Variants in DEFB107A observed in about 807,000 individuals in gnomAD.
DEFB107A encodes the protein beta-defensin 107.
chr8:7,812,832 T>G (rs1817115766), intron 1 of DEFB107A, among the ~76,000 whole-genome samples: 2 of 131,650 alleles, frequency 1.5e-5, no homozygotes, highest in Non-Finnish European at 1.7e-5. Flanking sequence ...AAGGAGAAAT[T>G]TTTGAATAGT....
intron 1 of DEFB107A, among the ~76,000 whole-genome samples, chr8:7,813,108 A>G (rs1364418235): frequency 4.9e-5 from 6 of 121,320 alleles, no homozygotes; most frequent in African/African-American, 1.6e-4. Context: ...AGAGATTGTT[A>G]AACTGTCCCA....
intron 1 of DEFB107A, among the ~76,000 whole-genome samples, chr8:7,813,401 A>AT (rs1817133353): frequency 6.7e-6 from 1 of 148,204 alleles, no homozygotes; most frequent in South Asian, 2.3e-4. Context: ...AAATCACAAC[A>AT]TAACTTGGTG....
At chr8:7,813,064 G>C (rs1490759120) in intron 1 of DEFB107A, among the ~76,000 whole-genome samples, 11 of 148,646 alleles carry the variant, frequency 7.4e-5, no homozygotes, top group Admixed American at 6.8e-4. Context: ...ATAGCATAGA[G>C]TATGTGCCTG....
chr8:7,813,750 T>G (rs1435620429), intron 1 of DEFB107A, among the ~76,000 whole-genome samples: 5 of 152,126 alleles, frequency 3.3e-5, no homozygotes, highest in Admixed American at 2.0e-4. Context: ...GTGATTATGG[T>G]GATGGTGGTG....
intron 1 of DEFB107A, among the ~76,000 whole-genome samples, chr8:7,814,043 G>C (rs1466245268): frequency 1.1e-5 from 1 of 90,374 alleles, no homozygotes; most frequent in Non-Finnish European, 2.2e-5. Flanking sequence ...TTGTTCCCTG[G>C]CTCTGTTCTT....
At position 7,814,278 on chromosome 8, in the gene DEFB107A, A is replaced by G. The variant is rs1169803626; in HGVS notation, c.70+1281T>C. ...TGTTAAATGTATTGAAAGCTTATTTACCACTACAAGCAACCTATTTTCGAA... is the reference window on the plus strand; with the variant it reads ...TGTTAAATGTATTGAAAGCTTATTTGCCACTACAAGCAACCTATTTTCGAA... On this transcript the variant is annotated intron_variant, in intron 1 of 1. Transcript: ENST00000335021. Among the ~76,000 whole-genome samples the G allele has an allele frequency of 5.0e-5, 3 of 60,066 alleles. 1 individual carries two copies. Among genetic ancestry groups the G allele is most frequent in the African/African-American group, 1.4e-4 (3 of 22,160 alleles). 39.4% of individuals were successfully genotyped at this position (60,066 alleles called of 152,430 possible).
intron 1 of DEFB107A, among the ~76,000 whole-genome samples, chr8:7,813,270 T>G (rs56348606): frequency 8.2e-6 from 1 of 122,580 alleles, no homozygotes; most frequent in Non-Finnish European, 1.8e-5. Context: ...AGTGGAATGA[T>G]GTGAGCTGCT....
intron 1 of DEFB107A, among the ~76,000 whole-genome samples, chr8:7,812,952 CATAT>C (rs1491404479): frequency 6.7e-6 from 1 of 149,030 alleles, no homozygotes. Context: ...CACACACACA[CATAT>C]ATATATATAT....
At chr8:7,813,222 A>G (rs1353727000) in intron 1 of DEFB107A, among the ~76,000 whole-genome samples, 6 of 130,262 alleles carry the variant, frequency 4.6e-5, no homozygotes, top group Admixed American at 1.7e-4. Flanking sequence ...TCCTATTTCT[A>G]TATGTCCACA....
chr8:7,813,157 C>A (rs1406014502), intron 1 of DEFB107A, among the ~76,000 whole-genome samples: 2 of 113,380 alleles, frequency 1.8e-5, no homozygotes, highest in Non-Finnish European at 4.1e-5. Flanking sequence ...AGTCATAGAA[C>A]CTCTGGGTTT....
At chr8:7,812,824 G>A (rs1397995947) in intron 1 of DEFB107A, among the ~76,000 whole-genome samples, 2 of 131,166 alleles carry the variant, frequency 1.5e-5, no homozygotes, top group Non-Finnish European at 1.7e-5. Flanking sequence ...CTCAAATTAA[G>A]GAGAAATTTT....
chr8:7,812,934 T>TACACACACAC (rs5889217), intron 1 of DEFB107A, among the ~76,000 whole-genome samples: 35 of 145,340 alleles, frequency 2.4e-4, no homozygotes, highest in East Asian at 4.1e-4. Context: ...CGCACACACA[T>TACACACACAC]ACACACACAC....
chr8:7,813,806 C>T (rs1291274941), intron 1 of DEFB107A, among the ~76,000 whole-genome samples: 1 of 151,574 alleles, frequency 6.6e-6, no homozygotes, highest in Admixed American at 6.6e-5. Flanking sequence ...AATTCAAATA[C>T]ATCTGAGATG....
intron 1 of DEFB107A, among the ~76,000 whole-genome samples, chr8:7,815,247 CAAAAAA>C (rs1160791841): frequency 8.2e-3 from 58 of 7,068 alleles, no homozygotes; most frequent in East Asian, 0.04. Context: ...GACTCCGTCT[CAAAAAA>C]AAAAAAAAAA....
intron 1 of DEFB107A, among the ~76,000 whole-genome samples, chr8:7,813,244 G>A: frequency 7.5e-6 from 1 of 133,916 alleles, no homozygotes; most frequent in Non-Finnish European, 1.7e-5. Context: ...GAACAAATTT[G>A]GAAAAATGAA....
intron 1 of DEFB107A, among the ~76,000 whole-genome samples, chr8:7,815,247 C>CA (rs1160791841): frequency 0.076 from 533 of 7,042 alleles, 17 homozygotes; most frequent in African/African-American, 0.11. Context: ...GACTCCGTCT[C>CA]AAAAAAAAAA....
intron 1 of DEFB107A, among the ~76,000 whole-genome samples, chr8:7,812,924 C>T (rs567691574): frequency 7.4e-4 from 96 of 129,920 alleles, no homozygotes; most frequent in East Asian, 1.7e-3. Context: ...GACACACACA[C>T]GCACACACAT....
chr8:7,813,650 G>T (rs1218694786), intron 1 of DEFB107A, among the ~76,000 whole-genome samples: 4 of 137,732 alleles, frequency 2.9e-5, no homozygotes, highest in Non-Finnish European at 6.4e-5. Context: ...TTAGCACTGA[G>T]ATCCAAACTC....
chr8:7,815,013 C>T, intron 1 of DEFB107A, among the ~76,000 whole-genome samples: 1 of 20,068 alleles, frequency 5.0e-5, no homozygotes, highest in African/African-American at 1.4e-4. Flanking sequence ...TCTGGGAGGC[C>T]GAGGAGGGCG....
Sources: allele counts gnomAD v4.1 joint callset (sites outside exome capture counted in the v4.1 genomes callset), GRCh38; gene constraint gnomAD v4.1.1; transcripts MANE v1.5; gene names NCBI Gene and HGNC (gene_info 2026-07-23, HGNC 2026-07-21).